Variants in MICU1 observed in about 807,000 individuals in gnomAD.
MICU1 encodes calcium uptake protein 1, mitochondrial.
MICU1 carries 45 observed loss-of-function variants against 56.8 expected under a neutral mutation model. The ratio of observed to expected loss-of-function variants is 0.79; its 90% CI spans 0.62 to 1.02. The LOEUF (loss-of-function observed/expected upper bound fraction) is 1.02. Ranked by LOEUF, MICU1 falls within the 50% of genes least tolerant of loss-of-function variation. The pLI is 0.00. For synonymous variants in MICU1, 186 were observed against 195.1 expected (o/e 0.95, Z 0.39); for missense variants, 504 against 587.1 (o/e 0.86, Z 1.46).
intron 10 of MICU1, among the ~76,000 whole-genome samples, chr10:72,403,629 TTGTGTGTG>T (rs60373032): frequency 0.029 from 4,015 of 139,914 alleles, 174 homozygotes; most frequent in African/African-American, 0.1. Flanking sequence ...CATACCAAAA[TTGTGTGTG>T]TGTGTGTGTG....
Position 72,565,183 on chromosome 10 carries a change from C to T in MICU1, c.161+1450G>A, listed in dbSNP as rs371537203. ...TACATCATGCTGCTATAAAGACACA[C>T]GCACACGTATGTTTATTGCGGCACT... On this transcript the variant is annotated intron_variant, in intron 2 of 11. Coordinates refer to ENST00000361114, the MANE Select transcript of MICU1 (RefSeq NM_001195518.2). Among the ~76,000 whole-genome samples the T allele has an allele frequency of 2.2e-3, 337 of 151,176 alleles. 4 individuals carry two copies. Among genetic ancestry groups the T allele is most frequent in the African/African-American group, 6.8e-3 (279 of 41,152 alleles).
At chr10:72,611,421 G>A (rs959714783) in intron 1 of MICU1, among the ~76,000 whole-genome samples, 1 of 152,010 alleles carries the variant, frequency 6.6e-6, no homozygotes, top group African/African-American at 2.4e-5. Flanking sequence ...AGACCAGCCT[G>A]GCCAACATGG....
intron 1 of MICU1, 138 bp from the exon 2 acceptor site, chr10:72,566,932 TA>T (rs1840455866): frequency 1.5e-6 from 1 of 687,100 alleles, no homozygotes; most frequent in Admixed American, 3.3e-5. Flanking sequence ...TTGCTTATAT[TA>T]TCCCATTTAA....
chr10:72,512,097 GTTGTTTTTTGTTT>G (rs1867474066), intron 5 of MICU1, among the ~76,000 whole-genome samples: 3 of 100,690 alleles, frequency 3.0e-5, no homozygotes, highest in African/African-American at 1.2e-4. Context: ...TCCATACACA[GTTGTTTTTTGTTT>G]TTTTTTTTTT....
At chr10:72,385,867 G>A (rs1445302208) in intron 10 of MICU1, among the ~76,000 whole-genome samples, 1 of 152,236 alleles carries the variant, frequency 6.6e-6, no homozygotes, top group African/African-American at 2.4e-5. Context: ...TTCTGTTGCT[G>A]GCTCTGAAGA....
chr10:72,474,595 G>A (rs1436103910), intron 8 of MICU1, among the ~76,000 whole-genome samples: 3 of 152,156 alleles, frequency 2.0e-5, no homozygotes, highest in Admixed American at 6.6e-5. Context: ...GGGCTCAAGC[G>A]ATTCTCCCAC....
intron 6 of MICU1, among the ~76,000 whole-genome samples, chr10:72,495,897 G>A (rs921785168): frequency 1.3e-5 from 2 of 151,864 alleles, no homozygotes; most frequent in Admixed American, 6.6e-5. Flanking sequence ...AATGCTAGAC[G>A]GGATACTGAG....
intron 9 of MICU1, among the ~76,000 whole-genome samples, chr10:72,418,844 C>T (rs971985928): frequency 3.3e-5 from 5 of 152,334 alleles, no homozygotes; most frequent in Middle Eastern, 6.8e-3. Flanking sequence ...AAGGCCCTTC[C>T]TTGACACTCA....
intron 5 of MICU1, 105 bp downstream of exon 5, chr10:72,533,641 G>T: frequency 1.2e-6 from 1 of 825,418 alleles, no homozygotes; most frequent in Non-Finnish European, 1.9e-6. Context: ...CTTTTGGTAA[G>T]ATAAACAGGT....
intron 1 of MICU1, among the ~76,000 whole-genome samples, chr10:72,610,180 G>C (rs538229620): frequency 6.6e-6 from 1 of 150,724 alleles, no homozygotes; most frequent in Admixed American, 6.6e-5. Flanking sequence ...GGGATCACTT[G>C]AGTCCAGGAG....
At chr10:72,382,203 G>A (rs575105480) in intron 10 of MICU1, among the ~76,000 whole-genome samples, 1 of 151,594 alleles carries the variant, frequency 6.6e-6, no homozygotes, top group African/African-American at 2.4e-5. Flanking sequence ...CTCGCCTCCC[G>A]GGTTTAAGTG....
At chr10:72,615,106 T>A (rs1415869994) in intron 1 of MICU1, among the ~76,000 whole-genome samples, 1 of 151,626 alleles carries the variant, frequency 6.6e-6, no homozygotes, top group African/African-American at 2.4e-5. Flanking sequence ...TTTGTGTTTG[T>A]TTGTTTGTTT....
chr10:72,528,731 A>T (rs975638705), intron 5 of MICU1: 2 of 226,578 alleles, frequency 8.8e-6, no homozygotes, highest in African/African-American at 4.7e-5. Flanking sequence ...TATATATGTC[A>T]AGGAGTAAAA....
At chr10:72,396,391 C>T (rs1281460897) in intron 10 of MICU1, among the ~76,000 whole-genome samples, 1 of 152,198 alleles carries the variant, frequency 6.6e-6, no homozygotes, top group Non-Finnish European at 1.5e-5. Flanking sequence ...TCCAAAGGAT[C>T]GCAGCTCCTC....
At chr10:72,429,834 AC>A (rs1412244588) in intron 8 of MICU1, among the ~76,000 whole-genome samples, 10 of 152,350 alleles carry the variant, frequency 6.6e-5, no homozygotes, top group Admixed American at 5.9e-4. Flanking sequence ...CTAGGAACTA[AC>A]CTTTGTTAAT....
chr10:72,480,610 C>T (rs1291971142), intron 6 of MICU1, among the ~76,000 whole-genome samples: 1 of 152,206 alleles, frequency 6.6e-6, no homozygotes, highest in Non-Finnish European at 1.5e-5. Context: ...GAAGCGGCAT[C>T]ACAATATCCA....
At chr10:72,502,390 AAGTTATCC>A (rs1867107738) in intron 6 of MICU1, among the ~76,000 whole-genome samples, 1 of 151,994 alleles carries the variant, frequency 6.6e-6, no homozygotes, top group African/African-American at 2.4e-5. Flanking sequence ...TCCTGACCTC[AAGTTATCC>A]ACCCACCTCA....
intron 8 of MICU1, among the ~76,000 whole-genome samples, chr10:72,442,612 C>T (rs997047642): frequency 4.6e-5 from 7 of 152,184 alleles, no homozygotes; most frequent in African/African-American, 1.7e-4. Flanking sequence ...TGCCATTTTC[C>T]TTGCCTGGCA....
intron 5 of MICU1, among the ~76,000 whole-genome samples, chr10:72,519,081 T>C (rs1164604104): frequency 6.6e-6 from 1 of 152,218 alleles, no homozygotes; most frequent in Non-Finnish European, 1.5e-5. Context: ...TTGATTCCAA[T>C]CACTTGAATC....
Sources: gnomAD v4.1 joint callset for allele counts (sites outside exome capture counted in the v4.1 genomes callset) on GRCh38, gnomAD v4.1.1 for gene constraint, MANE v1.5 for transcripts, NCBI Gene and HGNC (gene_info 2026-07-23, HGNC 2026-07-21) for gene names.